Variants in SERPINB5 observed in about 807,000 individuals in gnomAD.
SERPINB5 encodes the protein serpin family B member 5, also known as serpin B5.
Under a neutral mutation model 32.2 loss-of-function variants are expected in SERPINB5, and 27 were observed. The ratio of observed to expected loss-of-function variants is 0.84; its 90% CI spans 0.62 to 1.16. SERPINB5 has a LOEUF of 1.16. Ranked by LOEUF, SERPINB5 falls within the 50% of genes most tolerant of loss-of-function variation. The probability of loss-of-function intolerance (pLI) is 0.00; values close to 1 mark genes in which losing one functional copy is unlikely to be tolerated. For synonymous variants in SERPINB5, 154 were observed against 157.4 expected (o/e 0.98, Z 0.16); for missense variants, 388 against 436.3 (o/e 0.89, Z 0.99).
intron 5 of SERPINB5, chr18:63,497,378 T>G (rs1909471246): frequency 7.9e-7 from 1 of 1,263,196 alleles, no homozygotes; most frequent in Non-Finnish European, 1.1e-6. Flanking sequence ...ATGGTCGCCT[T>G]CCTTATCCTC....
rs547342775 is a variant in SERPINB5 at position 63,484,619 on chromosome 18, T to C, written c.168+23T>C. 4 of 1,602,568 alleles carry C rather than the reference T, an allele frequency of 2.5e-6. No individual in the cohort carries two copies. The East Asian group carries it at 8.9e-5, about 36-fold the overall frequency. On this transcript the variant is annotated intron_variant, in intron 2 of 6. Coordinates refer to ENST00000382771, the MANE Select transcript of SERPINB5 (RefSeq NM_002639.5). ...CAGGTAAGCCCCAAAACCTTGTTTC[T>C]ACTTTAAGTGGGAATACAGTTATTA...
At chr18:63,486,792 T>G (rs1198299339) in intron 2 of SERPINB5, 154 bp from the exon 3 acceptor site, 4 of 683,324 alleles carry the variant, frequency 5.9e-6, no homozygotes, top group African/African-American at 3.6e-5. Context: ...CCAGCCTGAA[T>G]GTCAATAGTG....
At chr18:63,479,931 T>C (rs546494119) in intron 1 of SERPINB5, among the ~76,000 whole-genome samples, 151 of 152,272 alleles carry the variant, frequency 9.9e-4, no homozygotes, top group African/African-American at 3.5e-3. Context: ...ACATGCAGGA[T>C]TTTTGGAACT....
rs1444989823 is a variant in SERPINB5, at chr18:63,504,214, CTA to C, written c.*495_*496del. On this transcript the variant is annotated 3_prime_UTR_variant, in exon 7 of 7. Transcript: ENST00000382771. Reference sequence around the variant, plus strand: ...GAAACTTGGGCACATGCTCAGGCTACTATAGGTCCAGAAGTCCTTATGTTAAG... The same window carrying C: ...GAAACTTGGGCACATGCTCAGGCTACTAGGTCCAGAAGTCCTTATGTTAAG... 2 of 162,450 alleles carry C rather than the reference CTA, an allele frequency of 1.2e-5. No homozygotes were observed. The highest frequency in any genetic ancestry group is 4.8e-5 in the African/African-American group (2 of 41,486). The allele number at this position is 162,450 out of a possible 1,614,324, so 10.1% of individuals were successfully genotyped here.
chr18:63,484,397 A>G (rs1209996515), intron 1 of SERPINB5, 25 bp from the exon 2 acceptor site: 1 of 1,590,984 alleles, frequency 6.3e-7, no homozygotes, highest in Admixed American at 1.8e-5. Context: ...TTAGAAACTA[A>G]CTGCTCCCTT....
chr18:63,503,315 A>G lies in SERPINB5; in HGVS notation c.736-15A>G, dbSNP rs1402089206. On this transcript the variant is annotated splice_polypyrimidine_tract_variant and intron_variant, in intron 6 of 6. Coordinates refer to ENST00000382771, the MANE Select transcript of SERPINB5 (RefSeq NM_002639.5). ...AAATAAATAAAAATAATTTCTTTTCATTTTTGTCCTTCAGATTGAAAAACA... is the reference window on the plus strand; with the variant it reads ...AAATAAATAAAAATAATTTCTTTTCGTTTTTGTCCTTCAGATTGAAAAACA... 3 of 1,599,342 alleles carry G rather than the reference A, an allele frequency of 1.9e-6. No individual in the cohort carries two copies. Among genetic ancestry groups the G allele is most frequent in the Non-Finnish European group, 2.6e-6 (3 of 1,175,846 alleles).
intron 5 of SERPINB5, 155 bp downstream of exon 5, chr18:63,493,250 A>T: frequency 1.1e-6 from 1 of 922,280 alleles, no homozygotes; most frequent in Non-Finnish European, 1.7e-6. Flanking sequence ...GGTAAGTGGT[A>T]CAAAAAGAGC....
chr18:63,478,462 A>G (rs1037125364), intron 1 of SERPINB5, among the ~76,000 whole-genome samples: 1 of 152,162 alleles, frequency 6.6e-6, no homozygotes, highest in Non-Finnish European at 1.5e-5. Flanking sequence ...ACATTGATTC[A>G]CTTAATCACT....
At chr18:63,478,051 A>C (rs761380751) in intron 1 of SERPINB5, among the ~76,000 whole-genome samples, 9 of 152,292 alleles carry the variant, frequency 5.9e-5, no homozygotes, top group Admixed American at 4.6e-4. Flanking sequence ...AATGGGTTCC[A>C]AACCTCAGTC....
intron 2 of SERPINB5, 143 bp downstream of exon 2, chr18:63,484,739 A>AAAATTTTTTTTTT: frequency 6.9e-6 from 1 of 144,458 alleles, no homozygotes; most frequent in Non-Finnish European, 1.3e-5. Flanking sequence ...GACTCTCTTA[A>AAAATTTTTTTTTT]TCTTTTTTTT....
intron 2 of SERPINB5, 145 bp downstream of exon 2, chr18:63,484,741 CTTTT>C (rs869236018): frequency 4.3e-3 from 460 of 108,016 alleles, no homozygotes; most frequent in South Asian, 0.01. Context: ...CTCTCTTAAT[CTTTT>C]TTTTTTTTTT....
chr18:63,477,438 G>A (rs1917053556), intron 1 of SERPINB5: 1 of 152,234 alleles, frequency 6.6e-6, no homozygotes, highest in African/African-American at 2.4e-5. Context: ...GTTTCAGAAA[G>A]GGTGTGGTAC....
Position 63,503,451 on chromosome 18 carries a change from C to T in SERPINB5, c.857C>T (p.Ala286Val). The T allele has an allele frequency of 6.2e-7, 1 of 1,614,232 alleles. No homozygotes were observed. The highest frequency in any genetic ancestry group is 8.5e-7 in the Non-Finnish European group (1 of 1,180,044). Residue 286 changes from alanine (A) to valine (V), a missense_variant, in exon 7 of 7, where the codon GCT becomes GTT. By Grantham distance (64) the Ala-to-Val change is moderately conservative (BLOSUM62 0). Coordinates refer to ENST00000382771, the MANE Select transcript of SERPINB5 (RefSeq NM_002639.5). ...GTGGAAAAGATGATTGATCCCAAGG[C>T]TTGTCTGGAAAATCTAGGGCTGAAA... ...FKVEKMIDPK[A>V]CLENLGLKHI...
chr18:63,503,743 T>C lies in SERPINB5; in HGVS notation c.*21T>C, dbSNP rs1418297248. On this transcript the variant is annotated 3_prime_UTR_variant, in exon 7 of 7. Coordinates refer to ENST00000382771, the MANE Select transcript of SERPINB5 (RefSeq NM_002639.5). ...CTTAAGTGGCATAGCCCATGTTAAG[T>C]CCTCCCTGACTTTTCTGTGGATGCC... 6.8e-6 allele frequency: 11 copies of C among 1,611,124 alleles called. No individual in the cohort carries two copies. Among genetic ancestry groups the C allele is most frequent in the Admixed American group, 1.7e-5 (1 of 59,174 alleles).
chr18:63,504,533 A>G lies in SERPINB5; in HGVS notation c.*811A>G, dbSNP rs1294717003. 2 of 152,246 alleles carry G rather than the reference A, an allele frequency of 1.3e-5. No homozygotes were observed. Among genetic ancestry groups the G allele is most frequent in the Non-Finnish European group, 2.9e-5 (2 of 68,046 alleles). 9.4% of individuals were successfully genotyped at this position (152,246 alleles called of 1,614,324 possible). ...ATTGTGGAATGTTGGATAAGGAATT[A>G]TAGACCTCTAGTAGCTGAAATGCAA... On this transcript the variant is annotated 3_prime_UTR_variant, in exon 7 of 7. Coordinates refer to ENST00000382771, the MANE Select transcript of SERPINB5 (RefSeq NM_002639.5).
chr18:63,478,236 G>A (rs1352384332), intron 1 of SERPINB5, among the ~76,000 whole-genome samples: 1 of 152,170 alleles, frequency 6.6e-6, no homozygotes, highest in Non-Finnish European at 1.5e-5. Flanking sequence ...GGGCTATGCA[G>A]TCTCAGCGAT....
At chr18:63,482,866 A>G (rs986708249) in intron 1 of SERPINB5, among the ~76,000 whole-genome samples, 5 of 150,692 alleles carry the variant, frequency 3.3e-5, no homozygotes, top group South Asian at 2.1e-4. Context: ...TAATATATAT[A>G]TTAAAAAACA....
intron 1 of SERPINB5, among the ~76,000 whole-genome samples, chr18:63,479,724 TA>T (rs1917096054): frequency 6.6e-6 from 1 of 152,144 alleles, no homozygotes; most frequent in South Asian, 2.1e-4. Context: ...CACCTTTTCT[TA>T]ATGCTTACCC....
chr18:63,504,964 A>AG lies in SERPINB5; in HGVS notation c.*1242_*1243insG. 6.6e-6 allele frequency: 1 copy of AG among 151,068 alleles called. No homozygotes were observed. The highest frequency in any genetic ancestry group is 1.5e-5 in the Non-Finnish European group (1 of 67,726). 9.4% of individuals were successfully genotyped at this position (151,068 alleles called of 1,614,324 possible). On this transcript the variant is annotated 3_prime_UTR_variant, in exon 7 of 7. Transcript: ENST00000382771. ...TATAAAAAATATGTATTTACCAAAA[A>AG]TTTTGTGACATTCCTTCTCCCATCT... is the stretch of plus-strand genomic sequence containing the variant.
Sources: gnomAD v4.1 joint callset for allele counts (sites outside exome capture counted in the v4.1 genomes callset) on GRCh38, gnomAD v4.1.1 for gene constraint, MANE v1.5 for transcripts, NCBI Gene and HGNC (gene_info 2026-07-23, HGNC 2026-07-21) for gene names.